Variants in RPS6KA2 observed in about 807,000 individuals in gnomAD.
The protein encoded by RPS6KA2 is ribosomal protein S6 kinase alpha-2.
A neutral mutation model predicts 91.8 loss-of-function variants in RPS6KA2; 42 were observed. The observed-to-expected ratio is 0.46, with a 90% CI of 0.36 to 0.59. The LOEUF (loss-of-function observed/expected upper bound fraction) is 0.59. Among genes scored for constraint, RPS6KA2 ranks in the 20% least tolerant of loss-of-function variants. RPS6KA2 has a pLI of 0.00. For synonymous variants in RPS6KA2, 414 were observed against 393.6 expected (o/e 1.05, Z -0.61); for missense variants, 798 against 978.5 (o/e 0.82, Z 2.46).
intron 10 of RPS6KA2, among the ~76,000 whole-genome samples, chr6:166,479,981 G>C (rs907122763): frequency 3.3e-5 from 5 of 152,142 alleles, no homozygotes; most frequent in African/African-American, 1.2e-4. Context: ...CCCCTGTGTA[G>C]ACGACGGTAA....
intron 2 of RPS6KA2, among the ~76,000 whole-genome samples, chr6:166,679,855 G>C (rs946578209): frequency 2.0e-5 from 3 of 152,252 alleles, no homozygotes; most frequent in Non-Finnish European, 4.4e-5. Flanking sequence ...CACTCAGCGC[G>C]GTTGGCCAGC....
intron 3 of RPS6KA2, among the ~76,000 whole-genome samples, chr6:166,526,852 G>C (rs190855969): frequency 6.6e-6 from 1 of 152,298 alleles, no homozygotes; most frequent in East Asian, 1.9e-4. Flanking sequence ...GTTTGCTTCT[G>C]GCACAATGTC....
Position 166,495,672 on chromosome 6 carries a change from T to C in RPS6KA2, c.747+2836A>G, listed in dbSNP as rs546429638. Among the ~76,000 whole-genome samples, 1 of 152,178 alleles carries C rather than the reference T, an allele frequency of 6.6e-6. No individual in the cohort carries two copies. The highest frequency in any genetic ancestry group is 1.9e-4 in the East Asian group (1 of 5,172). ...CACTTTTGTCTGTGCTGGGGCATCT[T>C]GGGTAAGGTGACTGGTGTTTAAGAA... On this transcript the variant is annotated intron_variant, in intron 8 of 20. Coordinates refer to ENST00000265678, the MANE Select transcript of RPS6KA2 (RefSeq NM_021135.6). The surrounding 1 kb of genome is among the most constrained non-coding windows in gnomAD (Gnocchi z 4.4).
At chr6:166,455,475 AG>A (rs1780070995) in intron 12 of RPS6KA2, among the ~76,000 whole-genome samples, 1 of 152,172 alleles carries the variant, frequency 6.6e-6, no homozygotes, top group Non-Finnish European at 1.5e-5. Context: ...CGGCCCTCAA[AG>A]GGGCCAAAAA....
intron 13 of RPS6KA2, among the ~76,000 whole-genome samples, chr6:166,449,062 T>A (rs564970438): frequency 6.6e-6 from 1 of 152,314 alleles, no homozygotes; most frequent in African/African-American, 2.4e-5. Context: ...CCTTGGGCTA[T>A]GACTCTTAAC....
chr6:166,647,409 T>TG (rs1338713910), intron 2 of RPS6KA2, among the ~76,000 whole-genome samples: 1 of 152,214 alleles, frequency 6.6e-6, no homozygotes, highest in Admixed American at 6.5e-5. Context: ...GGTGGGGATG[T>TG]GGGCCTCCAG....
chr6:166,421,175 GA>G (rs1427226465), intron 17 of RPS6KA2, among the ~76,000 whole-genome samples: 4 of 152,202 alleles, frequency 2.6e-5, no homozygotes, highest in African/African-American at 9.7e-5. Flanking sequence ...CTGACTCTGT[GA>G]AACATGGTTA....
At chr6:166,609,235 G>A (rs1382355738) in intron 1 of RPS6KA2, among the ~76,000 whole-genome samples, 1 of 152,164 alleles carries the variant, frequency 6.6e-6, no homozygotes, top group Non-Finnish European at 1.5e-5. Context: ...CAGAGATGAA[G>A]CAGATGCCCC....
At chr6:166,443,105 A>C (rs1277782204) in intron 14 of RPS6KA2, among the ~76,000 whole-genome samples, 1 of 152,210 alleles carries the variant, frequency 6.6e-6, no homozygotes, top group Middle Eastern at 3.2e-3. Context: ...ATACTGTATT[A>C]AGAATACAGT....
intron 17 of RPS6KA2, among the ~76,000 whole-genome samples, chr6:166,420,788 A>AT (rs1778695605): frequency 6.6e-6 from 1 of 152,160 alleles, no homozygotes; most frequent in South Asian, 2.1e-4. Context: ...ATAACATTTA[A>AT]TTTTTTTGAA....
Position 166,557,328 on chromosome 6 carries a change from A to C in RPS6KA2, c.100-18544T>G, listed in dbSNP as rs1342594444. On this transcript the variant is annotated intron_variant, in intron 1 of 20. Coordinates refer to ENST00000265678, the MANE Select transcript of RPS6KA2 (RefSeq NM_021135.6). This position sits in a 1 kb window ranked among gnomAD's most constrained non-coding sequence, Gnocchi z 4.8. ...CGCAGGGAAGACGCCCAAAACCTAA[A>C]TCGACATAAACACGGTCCTGGCCAC... Among the ~76,000 whole-genome samples, 1 of 152,052 alleles carries C rather than the reference A, an allele frequency of 6.6e-6. No individual in the cohort carries two copies. Among genetic ancestry groups the C allele is most frequent in the Non-Finnish European group, 1.5e-5 (1 of 67,998 alleles).
At chr6:166,460,942 G>A (rs893998845) in intron 11 of RPS6KA2, 1 of 152,298 alleles carries the variant, frequency 6.6e-6, no homozygotes, top group Non-Finnish European at 1.5e-5. Flanking sequence ...GGAGAGGAGG[G>A]AGGAGGGCGT....
intron 1 of RPS6KA2, among the ~76,000 whole-genome samples, chr6:166,581,110 C>T (rs933540881): frequency 6.6e-6 from 1 of 152,208 alleles, no homozygotes; most frequent in African/African-American, 2.4e-5. Flanking sequence ...AGGCTGGTCT[C>T]GAACTCCTGA....
In RPS6KA2 at chr6:166,510,554, CATATATATATATATATATATAT is replaced by C. The variant is rs58712416; in HGVS notation, c.299-219_299-198del. Reference sequence around the variant, plus strand: ...TTTAATACATTTGCTTTCTCTCTCTCATATATATATATATATATATATATATATATATATATATATATATATA... The same window carrying C: ...TTTAATACATTTGCTTTCTCTCTCTCATATATATATATATATATATATATA... On this transcript the variant is annotated intron_variant, in intron 3 of 20. Transcript: ENST00000265678. Among the ~76,000 whole-genome samples, 419 of 78,780 alleles carry C rather than the reference CATATATATATATATATATATAT, an allele frequency of 5.3e-3. 11 individuals are homozygous for C. The highest frequency in any genetic ancestry group is 0.013 in the East Asian group (31 of 2,466). The allele number at this position is 78,780 out of a possible 152,430, so 51.7% of individuals were successfully genotyped here.
chr6:166,604,334 C>T (rs1713579231), intron 1 of RPS6KA2, among the ~76,000 whole-genome samples: 2 of 152,008 alleles, frequency 1.3e-5, no homozygotes, highest in Admixed American at 1.3e-4. Context: ...AAACGTTTCC[C>T]CAAATAGGTT....
intron 11 of RPS6KA2, among the ~76,000 whole-genome samples, chr6:166,466,352 C>A (rs1780520741): frequency 6.6e-6 from 1 of 152,232 alleles, no homozygotes; most frequent in African/African-American, 2.4e-5. Context: ...TTTTCCAAAT[C>A]CATCGTATTG....
chr6:166,505,182 C>T (rs1285868528), intron 5 of RPS6KA2, among the ~76,000 whole-genome samples: 1 of 152,074 alleles, frequency 6.6e-6, no homozygotes, highest in African/African-American at 2.4e-5. Flanking sequence ...TATGGGTGCC[C>T]CAAGCTGAGG....
In RPS6KA2 at chr6:166,459,017, A is replaced by G. The variant is rs977985323; in HGVS notation, c.1075+432T>C. Among the ~76,000 whole-genome samples the G allele has an allele frequency of 6.6e-6, 1 of 152,224 alleles. No homozygotes were observed. The highest frequency in any genetic ancestry group is 6.5e-5 in the Admixed American group (1 of 15,278). ...GCTGTGCTATTTAGTAGCCGATACT[A>G]CTTTTCAAATGGGTTTCTGTTTTTT... On this transcript the variant is annotated intron_variant, in intron 12 of 20. Transcript: ENST00000265678. This position sits in a 1 kb window ranked among gnomAD's most constrained non-coding sequence, Gnocchi z 4.9.
At chr6:166,742,001 G>A (rs758786443) in intron 2 of RPS6KA2, among the ~76,000 whole-genome samples, 6 of 152,160 alleles carry the variant, frequency 3.9e-5, no homozygotes, top group African/African-American at 7.2e-5. Flanking sequence ...GGTGGCGGGC[G>A]CCTGTAATCC....
Sources: allele counts gnomAD v4.1 joint callset (sites outside exome capture counted in the v4.1 genomes callset), GRCh38; gene constraint gnomAD v4.1.1; non-coding constraint Gnocchi (gnomAD v3.1); transcripts MANE v1.5; gene names NCBI Gene and HGNC (gene_info 2026-07-23, HGNC 2026-07-21).